The following LCOR variants were observed in gnomAD, a reference collection of about 807,000 sequenced individuals.
The protein encoded by LCOR is ligand dependent nuclear receptor corepressor.
LCOR carries 14 observed loss-of-function variants against 64.4 expected under a neutral mutation model. The observed-to-expected ratio is 0.22, with a 90% confidence interval of 0.14 to 0.34. The LOEUF (loss-of-function observed/expected upper bound fraction) is 0.34. LCOR is among the 10% of genes least tolerant of loss of function. LCOR has a pLI of 1.00. For synonymous variants in LCOR, 643 were observed against 642.5 expected, an observed-to-expected ratio of 1.00 and a Z score of -0.01; for missense variants, 1,686 against 1,765.3, an observed-to-expected ratio of 0.96 and a Z score of 0.80.
At chr10:96,946,022 A>G (rs1847584392) in intron 5 of LCOR, among the ~76,000 whole-genome samples, 1 of 151,922 alleles carries the variant, frequency 6.6e-6, no homozygotes, top group African/African-American at 2.4e-5. Flanking sequence ...AAGAGATGGG[A>G]ATGCTCTGAA....
intron 4 of LCOR, among the ~76,000 whole-genome samples, chr10:96,938,892 C>G (rs1847399056): frequency 6.6e-6 from 1 of 152,160 alleles, no homozygotes; most frequent in Non-Finnish European, 1.5e-5. Flanking sequence ...AAGACATGTT[C>G]ATGGATCAGA....
At chr10:96,957,330 C>T in intron 7 of LCOR, 2 of 984,812 alleles carry the variant, frequency 2.0e-6, no homozygotes, top group Non-Finnish European at 2.4e-6. Flanking sequence ...TATAAGCACT[C>T]CTTGAAGAAT....
intron 4 of LCOR, among the ~76,000 whole-genome samples, chr10:96,940,047 T>C (rs1173532764): frequency 6.6e-6 from 1 of 152,216 alleles, no homozygotes; most frequent in Non-Finnish European, 1.5e-5. Context: ...ATGCTCAACA[T>C]CATTAGTCAA....
At position 96,920,446 on chromosome 10, in the gene LCOR, A is replaced by G. The variant is rs773321130; in HGVS notation, c.-184+12699A>G. On this transcript the variant is annotated intron_variant, in intron 4 of 7. Transcript: ENST00000421806. ...TTCATATATATGTGTATATATGTGT[A>G]TATATATGTATATTCATATATGTGT... is the stretch of plus-strand genomic sequence containing the variant. 3.1e-3 allele frequency among the ~76,000 whole-genome samples: 323 copies of G among 104,566 alleles called. 7 individuals carry two copies. Among genetic ancestry groups the G allele is most frequent in the African/African-American group, 0.011 (211 of 19,700 alleles). The allele number at this position is 104,566 out of a possible 152,430, so 68.6% of individuals were successfully genotyped here. A position where few individuals can be genotyped will look rare whatever the true frequency, so the allele number is the denominator to read the frequency against.
chr10:96,873,019 C>T (rs935832924), intron 2 of LCOR, among the ~76,000 whole-genome samples: 7 of 152,064 alleles, frequency 4.6e-5, no homozygotes, highest in African/African-American at 1.7e-4. Flanking sequence ...CTGTAGACAA[C>T]TTTAATTGCA....
intron 2 of LCOR, among the ~76,000 whole-genome samples, chr10:96,890,904 A>G (rs1276341462): frequency 1.3e-5 from 2 of 152,148 alleles, no homozygotes; most frequent in East Asian, 1.9e-4. Flanking sequence ...GGATAATTCC[A>G]TGATGGATGG....
At chr10:96,853,641 A>C (rs1845755873) in intron 2 of LCOR, among the ~76,000 whole-genome samples, 1 of 152,132 alleles carries the variant, frequency 6.6e-6, no homozygotes. Context: ...GGTTGACCTA[A>C]GTTGGGATAA....
chr10:96,871,021 G>A (rs1306481248), intron 2 of LCOR, among the ~76,000 whole-genome samples: 5 of 152,174 alleles, frequency 3.3e-5, no homozygotes, highest in Non-Finnish European at 5.9e-5. Flanking sequence ...ATGAGTAGAT[G>A]TGAACCAAGA....
chr10:96,980,662 C>T (rs955581778), intron 7 of LCOR, 131 bp from the exon 8 acceptor site: 1 of 577,762 alleles, frequency 1.7e-6, no homozygotes, highest in Non-Finnish European at 3.0e-6. Context: ...GCCTGGCCAA[C>T]ATAGCGAGAC....
At chr10:96,881,921 CTT>C (rs1846269592) in intron 2 of LCOR, among the ~76,000 whole-genome samples, 1 of 152,154 alleles carries the variant, frequency 6.6e-6, no homozygotes, top group South Asian at 2.1e-4. Context: ...TAGTCTGTCT[CTT>C]TGGATAACAT....
intron 7 of LCOR, chr10:96,963,189 T>C (rs1278818857): frequency 2.6e-5 from 4 of 151,954 alleles, no homozygotes; most frequent in Non-Finnish European, 5.9e-5. Flanking sequence ...GAGCAGATAA[T>C]ATGGGGGTTC....
At chr10:96,905,453 TA>T (rs1239611934) in intron 2 of LCOR, among the ~76,000 whole-genome samples, 5 of 152,160 alleles carry the variant, frequency 3.3e-5, no homozygotes, top group South Asian at 4.1e-4. Flanking sequence ...GGAGGGCAGG[TA>T]GGGGGGCTTT....
chr10:96,914,468 A>T (rs566835610), intron 4 of LCOR, among the ~76,000 whole-genome samples: 10 of 152,350 alleles, frequency 6.6e-5, no homozygotes, highest in African/African-American at 1.9e-4. Flanking sequence ...AAGTGCTGGG[A>T]TTACAGGCGC....
At chr10:96,940,409 C>G (rs1847434303) in intron 4 of LCOR, among the ~76,000 whole-genome samples, 1 of 114,370 alleles carries the variant, frequency 8.7e-6, no homozygotes, top group Non-Finnish European at 1.7e-5. Context: ...GGAAGGTCAG[C>G]AGATAAACAA....
intron 2 of LCOR, among the ~76,000 whole-genome samples, chr10:96,850,499 T>C (rs771183966): frequency 2.0e-5 from 3 of 152,330 alleles, no homozygotes; most frequent in Non-Finnish European, 4.4e-5. Context: ...TTTTTATTTA[T>C]TTATTTTTTT....
At position 96,990,968 on chromosome 10, in the gene LCOR, C is replaced by T. The variant is rs1848195109; in HGVS notation, c.*5834C>T. On this transcript the variant is annotated 3_prime_UTR_variant, in exon 8 of 8. Coordinates refer to ENST00000421806, the MANE Select transcript of LCOR (RefSeq NM_001346516.2). The stretch of plus-strand genomic sequence containing the variant: ...AAAAAATCAGGTACTCATGGTATTA[C>T]AATATGCCAGGGGTTGGACAAATGG... 1 of 124,858 alleles carries T rather than the reference C, an allele frequency of 8.0e-6. No individual in the cohort carries two copies. Among genetic ancestry groups the T allele is most frequent in the Non-Finnish European group, 1.6e-5 (1 of 61,616 alleles). 7.7% of individuals were successfully genotyped at this position (124,858 alleles called of 1,614,324 possible).
chr10:96,897,069 G>GAA (rs1554835304), intron 2 of LCOR, among the ~76,000 whole-genome samples: 5 of 116,378 alleles, frequency 4.3e-5, no homozygotes, highest in African/African-American at 1.5e-4. Flanking sequence ...GAGAGAGAGA[G>GAA]AGAGAAAGAG....
chr10:96,965,287 G>A (rs950702148), intron 7 of LCOR, among the ~76,000 whole-genome samples: 3 of 151,784 alleles, frequency 2.0e-5, no homozygotes, highest in African/African-American at 7.3e-5. Flanking sequence ...GGGATTACAG[G>A]TGTGAGCCAC....
chr10:96,852,056 T>A (rs1845729640), intron 2 of LCOR, among the ~76,000 whole-genome samples: 1 of 152,202 alleles, frequency 6.6e-6, no homozygotes, highest in Admixed American at 6.5e-5. Context: ...GACATCTTGG[T>A]TTCTGATGCT....
Sources: gnomAD v4.1 joint callset for allele counts (sites outside exome capture counted in the v4.1 genomes callset) on GRCh38, gnomAD v4.1.1 for gene constraint, MANE v1.5 for transcripts, NCBI Gene and HGNC (gene_info 2026-07-23, HGNC 2026-07-21) for gene names.